The following GPD2 variants were observed in gnomAD, a reference collection of about 807,000 sequenced individuals.
The protein encoded by GPD2 is glycerol-3-phosphate dehydrogenase, mitochondrial.
Under a neutral mutation model 82.4 loss-of-function variants are expected in GPD2, and 54 were observed. That is an observed-to-expected ratio of 0.66 (90% CI 0.53 to 0.82). GPD2 has a LOEUF of 0.82. GPD2 is among the 40% of genes least tolerant of loss of function. The probability of loss-of-function intolerance (pLI) is 0.00; values close to 1 mark genes in which losing one functional copy is unlikely to be tolerated. For synonymous variants in GPD2, 288 were observed against 306.1 expected (o/e 0.94, Z 0.62); for missense variants, 748 against 896.2 (o/e 0.83, Z 2.11).
chr2:156,447,317 C>T (rs1194084396), intron 1 of GPD2, among the ~76,000 whole-genome samples: 2 of 152,016 alleles, frequency 1.3e-5, no homozygotes, highest in African/African-American at 2.4e-5. Context: ...AATCTGTCTT[C>T]GATCTCAGAT....
intron 2 of GPD2, among the ~76,000 whole-genome samples, chr2:156,481,176 T>G (rs1683716594): frequency 6.6e-6 from 1 of 152,082 alleles, no homozygotes; most frequent in Admixed American, 6.5e-5. Context: ...TTTATTTTTG[T>G]TTGACATGTC....
intron 6 of GPD2, among the ~76,000 whole-genome samples, chr2:156,525,388 G>A (rs954543495): frequency 1.3e-5 from 2 of 152,134 alleles, no homozygotes; most frequent in Non-Finnish European, 2.9e-5. Flanking sequence ...CCTAGTTTTG[G>A]AAGCAGCCAT....
chr2:156,478,556 A>C (rs1003726335), intron 2 of GPD2, among the ~76,000 whole-genome samples: 2 of 152,168 alleles, frequency 1.3e-5, no homozygotes, highest in Non-Finnish European at 2.9e-5. Context: ...GAAACAACCT[A>C]TTCCAGACAT....
intron 6 of GPD2, among the ~76,000 whole-genome samples, chr2:156,548,375 T>A (rs1168326090): frequency 2.0e-5 from 3 of 152,344 alleles, no homozygotes; most frequent in Admixed American, 2.0e-4. Context: ...TATTAATTGT[T>A]AGATAAAATA....
chr2:156,489,159 A>G (rs1275742062), intron 2 of GPD2, among the ~76,000 whole-genome samples: 2 of 152,242 alleles, frequency 1.3e-5, no homozygotes, highest in Non-Finnish European at 1.5e-5. Flanking sequence ...GTGTGAAGCC[A>G]GTGAGCAGGA....
rs1297533050 is a variant in GPD2 at position 156,557,388 on chromosome 2, G to T, written c.972-1G>T. ...ATAAATAATCCTTCTTTGTATCTCA[G>T]CCCAGAGAGCATGGGACTTCTTGAC... is the stretch of plus-strand genomic sequence containing the variant. On this transcript the variant is annotated splice_acceptor_variant, in intron 8 of 16. Transcript: ENST00000438166. LOFTEE classifies it high-confidence loss of function. The T allele has an allele frequency of 2.5e-6, 4 of 1,574,940 alleles. No homozygotes were observed. Among genetic ancestry groups the T allele is most frequent in the Non-Finnish European group, 3.5e-6 (4 of 1,145,110 alleles).
At chr2:156,581,642 A>G (rs1574025400) in intron 16 of GPD2, among the ~76,000 whole-genome samples, 1 of 152,272 alleles carries the variant, frequency 6.6e-6, no homozygotes, top group East Asian at 1.9e-4. Flanking sequence ...TATTTTTTGA[A>G]TATAGATACG....
intron 1 of GPD2, among the ~76,000 whole-genome samples, chr2:156,453,834 G>A (rs1427006271): frequency 3.3e-5 from 5 of 152,128 alleles, no homozygotes; most frequent in Non-Finnish European, 5.9e-5. Context: ...CTGAGATCAC[G>A]CCACTTCACT....
intron 9 of GPD2, among the ~76,000 whole-genome samples, chr2:156,567,286 A>G (rs1368166357): frequency 6.6e-6 from 1 of 152,050 alleles, no homozygotes; most frequent in Non-Finnish European, 1.5e-5. Context: ...ATCTAGTGTC[A>G]TAAAGCTCTT....
the GPD2 span, among the ~76,000 whole-genome samples, chr2:156,424,094 C>T: frequency 4.6e-5 from 7 of 151,810 alleles, no homozygotes; most frequent in Admixed American, 3.3e-4. Context: ...GAGAACGTGG[C>T]GCAGTTGGAT....
At chr2:156,542,948 A>G (rs1686378836) in intron 6 of GPD2, among the ~76,000 whole-genome samples, 1 of 152,136 alleles carries the variant, frequency 6.6e-6, no homozygotes, top group Admixed American at 6.6e-5. Context: ...GACCAAGGTA[A>G]TCTTATTCTC....
chr2:156,412,113 A>G, the GPD2 span, among the ~76,000 whole-genome samples: 379 of 152,290 alleles, frequency 2.5e-3, 4 homozygotes, highest in African/African-American at 8.7e-3. Context: ...AACTGTATGA[A>G]AAACTTGCCC....
Position 156,570,156 on chromosome 2 carries a change from G to T in GPD2, c.1546G>T (p.Gly516Cys). 2 of 1,612,586 alleles carry T rather than the reference G, an allele frequency of 1.2e-6. No individual in the cohort carries two copies. Among genetic ancestry groups the T allele is most frequent in the Non-Finnish European group, 1.7e-6 (2 of 1,179,062 alleles). ...FEVAKMASVT[G>C]KRWPIVGVRL... ...GGTGGCCAAAATGGCAAGTGTGACTGGCAAAAGGTGGCCTATTGTTGGAGT... is the reference window on the plus strand; with the variant it reads ...GGTGGCCAAAATGGCAAGTGTGACTTGCAAAAGGTGGCCTATTGTTGGAGT... Residue 516 changes from glycine to cysteine, a missense_variant, in exon 12 of 17, where the codon GGC becomes TGC. This residue lies in a region of GPD2 where 692 missense variants were observed against 809.7 expected (regional missense o/e 0.85). Coordinates refer to ENST00000438166, the MANE Select transcript of GPD2 (RefSeq NM_000408.5).
At chr2:156,407,122 G>A in the GPD2 span, among the ~76,000 whole-genome samples, 9 of 152,290 alleles carry the variant, frequency 5.9e-5, no homozygotes, top group Admixed American at 3.3e-4. Context: ...TGAGGCAGGA[G>A]AATCTCTTGA....
In GPD2 at chr2:156,566,392, A is replaced by G. The variant is rs1024049587; in HGVS notation, c.1166-2433A>G. ...AGTAACTCTTATTCCCCCTCTCCCA[A>G]CCCCTTGGCAACTACCATTCTACTT... is the stretch of plus-strand genomic sequence containing the variant. On this transcript the variant is annotated intron_variant, in intron 9 of 16. Transcript: ENST00000438166. Among the ~76,000 whole-genome samples, 8 of 151,712 alleles carry G rather than the reference A, an allele frequency of 5.3e-5. No homozygotes were observed. The East Asian group carries it at 5.8e-4, about 11-fold the overall frequency.
chr2:156,547,757 T>C (rs922434181), intron 6 of GPD2, among the ~76,000 whole-genome samples: 2 of 152,268 alleles, frequency 1.3e-5, no homozygotes, highest in Non-Finnish European at 2.9e-5. Flanking sequence ...TGAGATTTTA[T>C]ATTTTAAACA....
At chr2:156,534,580 G>A (rs1212321267) in intron 6 of GPD2, among the ~76,000 whole-genome samples, 2 of 152,222 alleles carry the variant, frequency 1.3e-5, no homozygotes, top group Admixed American at 6.5e-5. Context: ...TAGATTTAAT[G>A]TATTAGTCTT....
At chr2:156,496,346 C>T in intron 3 of GPD2, 131 bp downstream of exon 3, 1 of 661,300 alleles carries the variant, frequency 1.5e-6, no homozygotes, top group South Asian at 1.7e-5. Context: ...TAGGTACAAG[C>T]TCAGCATGCA....
rs1558917340 is a variant in GPD2, at chr2:156,476,212, G to C, written c.102+5G>C. ...GCTCATTACAGAAGGAAACAAGTAAGTAACTGTACTTGTGTTGATTACAGT... is the reference window on the plus strand; with the variant it reads ...GCTCATTACAGAAGGAAACAAGTAACTAACTGTACTTGTGTTGATTACAGT... On this transcript the variant is annotated splice_donor_5th_base_variant and intron_variant, in intron 2 of 16. Transcript: ENST00000438166. 6.9e-7 allele frequency: 1 copy of C among 1,447,502 alleles called. No homozygotes were observed. The highest frequency in any genetic ancestry group is 9.7e-7 in the Non-Finnish European group (1 of 1,028,156). The allele number at this position is 1,447,502 out of a possible 1,614,324, so 89.7% of individuals were successfully genotyped here.
Sources: gnomAD v4.1 joint callset for allele counts (sites outside exome capture counted in the v4.1 genomes callset) on GRCh38, gnomAD v4.1.1 for gene constraint, gnomAD v4.1.1 regional missense constraint, MANE v1.5 for transcripts, NCBI Gene and HGNC (gene_info 2026-07-23, HGNC 2026-07-21) for gene names.